PARD3: variants seen among roughly 807,000 people sequenced by gnomAD.
The protein encoded by PARD3 is par-3 family cell polarity regulator.
In PARD3, 75 loss-of-function variants were observed where a neutral mutation model predicts 155.4. The ratio of observed to expected loss-of-function variants is 0.48; its 90% CI spans 0.40 to 0.58. The LOEUF (loss-of-function observed/expected upper bound fraction) is 0.58, where lower values mean the gene tolerates loss of function less well. PARD3 is among the 20% of genes least tolerant of loss of function. The probability of loss-of-function intolerance (pLI) is 0.00; values close to 1 mark genes in which losing one functional copy is unlikely to be tolerated. For missense variants in PARD3, 1,642 were observed against 1,721.7 expected, an observed-to-expected ratio of 0.95 and a Z score of 0.82; for synonymous variants, 576 against 610.5, an observed-to-expected ratio of 0.94 and a Z score of 0.83.
intron 22 of PARD3, among the ~76,000 whole-genome samples, chr10:34,172,749 C>CAA (rs1407885538): frequency 5.4e-5 from 6 of 111,684 alleles, no homozygotes; most frequent in East Asian, 2.5e-4. Context: ...AAAAAAACAA[C>CAA]AAAAAAAAAA....
chr10:34,642,087 C>T (rs1054960736), intron 2 of PARD3, among the ~76,000 whole-genome samples: 4 of 152,010 alleles, frequency 2.6e-5, no homozygotes, highest in African/African-American at 7.3e-5. Context: ...TGGGGCCCCT[C>T]GCCCTGTAAG....
chr10:34,342,847 G>GTT (rs1836981019), intron 15 of PARD3, among the ~76,000 whole-genome samples: 1 of 152,142 alleles, frequency 6.6e-6, no homozygotes. Context: ...TAGTAATACT[G>GTT]TAAGTTCACT....
chr10:34,267,697 C>G (rs756591034), intron 22 of PARD3, among the ~76,000 whole-genome samples: 2 of 152,168 alleles, frequency 1.3e-5, no homozygotes, highest in Non-Finnish European at 2.9e-5. Flanking sequence ...ACGTAGCAAC[C>G]AATAACACAT....
At chr10:34,356,307 T>G (rs1460534536) in intron 14 of PARD3, among the ~76,000 whole-genome samples, 1 of 152,138 alleles carries the variant, frequency 6.6e-6, no homozygotes. Context: ...ATCTCAGCAC[T>G]TTGGCAAGCT....
intron 1 of PARD3, among the ~76,000 whole-genome samples, chr10:34,747,258 T>G (rs1241710944): frequency 3.3e-5 from 5 of 152,124 alleles, no homozygotes; most frequent in African/African-American, 1.2e-4. Context: ...GAGCCACGAT[T>G]CTAAGGGAGC....
At chr10:34,352,397 CCG>C (rs1838197162) in intron 14 of PARD3, among the ~76,000 whole-genome samples, 1 of 152,208 alleles carries the variant, frequency 6.6e-6, no homozygotes, top group African/African-American at 2.4e-5. Flanking sequence ...TGATGCCGAG[CCG>C]AGGCTGGACT....
At chr10:34,424,506 T>C (rs1266660958) in intron 5 of PARD3, among the ~76,000 whole-genome samples, 1 of 152,020 alleles carries the variant, frequency 6.6e-6, no homozygotes, top group African/African-American at 2.4e-5. Flanking sequence ...TAACTTTACA[T>C]TTTTTATTTA....
intron 2 of PARD3, among the ~76,000 whole-genome samples, chr10:34,649,465 T>G (rs997245590): frequency 1.3e-5 from 2 of 152,224 alleles, no homozygotes; most frequent in African/African-American, 4.8e-5. Context: ...TGTAGGCAAC[T>G]GGAACACAAT....
chr10:34,265,191 T>C (rs1421333134), intron 22 of PARD3, among the ~76,000 whole-genome samples: 2 of 152,214 alleles, frequency 1.3e-5, no homozygotes, highest in African/African-American at 2.4e-5. Flanking sequence ...ACAGTGACAC[T>C]GTGACTATAG....
intron 22 of PARD3, among the ~76,000 whole-genome samples, chr10:34,263,223 ACAGACCATGCT>A (rs1230000758): frequency 6.6e-6 from 1 of 152,248 alleles, no homozygotes; most frequent in Admixed American, 6.5e-5. Flanking sequence ...AGTGCTTACT[ACAGACCATGCT>A]CAGTGTGAAG....
intron 3 of PARD3, 100 bp downstream of exon 3, chr10:34,516,879 C>T (rs758720584): frequency 8.6e-7 from 1 of 1,163,644 alleles, no homozygotes; most frequent in Non-Finnish European, 1.2e-6. Flanking sequence ...TTGAATAAAA[C>T]AGATAATTAA....
chr10:34,602,970 A>G (rs897681832), intron 2 of PARD3, among the ~76,000 whole-genome samples: 4 of 152,250 alleles, frequency 2.6e-5, no homozygotes, highest in South Asian at 2.1e-4. Flanking sequence ...TATTATAGAT[A>G]GTTAACAATA....
At chr10:34,336,130 A>G in intron 18 of PARD3, 69 bp downstream of exon 18, 1 of 1,111,576 alleles carries the variant, frequency 9.0e-7, no homozygotes, top group Non-Finnish European at 1.4e-6. Flanking sequence ...TATGATTGGC[A>G]GCTCTATAAT....
chr10:34,490,447 C>T (rs574836199), intron 3 of PARD3, among the ~76,000 whole-genome samples: 1 of 151,360 alleles, frequency 6.6e-6, no homozygotes, highest in East Asian at 1.9e-4. Flanking sequence ...ACAAAATGCT[C>T]GTGCTTCATA....
chr10:34,284,693 C>T (rs529585109), intron 20 of PARD3, among the ~76,000 whole-genome samples: 1 of 152,104 alleles, frequency 6.6e-6, no homozygotes, highest in South Asian at 2.1e-4. Flanking sequence ...TTTTCACAGC[C>T]AGGCTTATTG....
At chr10:34,616,982 G>A (rs1027313815) in intron 2 of PARD3, among the ~76,000 whole-genome samples, 1 of 151,640 alleles carries the variant, frequency 6.6e-6, no homozygotes, top group African/African-American at 2.4e-5. Flanking sequence ...TTGGCCGGGG[G>A]CGGTGGCTCA....
chr10:34,251,424 G>A (rs889747459), intron 22 of PARD3, among the ~76,000 whole-genome samples: 1 of 152,136 alleles, frequency 6.6e-6, no homozygotes, highest in African/African-American at 2.4e-5. Flanking sequence ...TGTTCAAAGT[G>A]CCTTACATGT....
rs552115485 is a variant in PARD3 at position 34,622,530 on chromosome 10, G to T, written c.222+73788C>A. ...TCACAAGAGAAGTTATTCCCTCCTT[G>T]ATGGTTGGGGGAGAAAGTCATTTCA... On this transcript the variant is annotated intron_variant, in intron 2 of 24. Transcript: ENST00000374788. Among the ~76,000 whole-genome samples the T allele has an allele frequency of 1.8e-4, 27 of 152,316 alleles. No individual in the cohort carries two copies. In the East Asian group the frequency reaches 4.8e-3, roughly 27 times the overall value.
chr10:34,172,749 C>CG (rs1949857348), intron 22 of PARD3, among the ~76,000 whole-genome samples: 1 of 111,692 alleles, frequency 9.0e-6, no homozygotes, highest in Non-Finnish European at 2.0e-5. Flanking sequence ...AAAAAAACAA[C>CG]AAAAAAAAAA....
Sources: gnomAD v4.1 joint callset for allele counts (sites outside exome capture counted in the v4.1 genomes callset) on GRCh38, gnomAD v4.1.1 for gene constraint, MANE v1.5 for transcripts, NCBI Gene and HGNC (gene_info 2026-07-23, HGNC 2026-07-21) for gene names.